SND1: variants seen among roughly 807,000 people sequenced by gnomAD.
SND1 encodes the protein staphylococcal nuclease and tudor domain containing 1.
SND1 carries 38 observed loss-of-function variants against 121.7 expected under a neutral mutation model. The ratio of observed to expected loss-of-function variants is 0.31; its 90% CI spans 0.24 to 0.41. SND1 has a LOEUF of 0.41. Among genes scored for constraint, SND1 ranks in the 10% least tolerant of loss-of-function variants. SND1 has a pLI of 1.00. For synonymous variants in SND1, 401 were observed against 447.4 expected, an observed-to-expected ratio of 0.90 and a Z score of 1.31; for missense variants, 868 against 1,184.6, an observed-to-expected ratio of 0.73 and a Z score of 3.92.
intron 12 of SND1, among the ~76,000 whole-genome samples, chr7:127,869,550 C>CT (rs987173126): frequency 3.9e-5 from 6 of 152,112 alleles, no homozygotes; most frequent in Middle Eastern, 3.4e-3. Context: ...ATCCCATTGA[C>CT]TTTTTTTTAA....
At chr7:128,021,793 T>C (rs1803354215) in intron 16 of SND1, among the ~76,000 whole-genome samples, 1 of 152,208 alleles carries the variant, frequency 6.6e-6, no homozygotes. Flanking sequence ...GAGGGCCTCA[T>C]GCAGGATTTC....
At position 127,701,655 on chromosome 7, in the gene SND1, C is replaced by A. The variant is rs112618969; in HGVS notation, c.589+332C>A. Among the ~76,000 whole-genome samples, 902 of 152,130 alleles carry A rather than the reference C, an allele frequency of 5.9e-3. 10 individuals carry two copies. Among genetic ancestry groups the A allele is most frequent in the African/African-American group, 0.021 (856 of 41,466 alleles). ...AAACTTAAAGGTAGCAAAATGTATT[C>A]TGTATACATCTAAACAGATACGGTC... On this transcript the variant is annotated intron_variant, in intron 5 of 23. Transcript: ENST00000354725.
chr7:127,988,417 C>A (rs1421385701), intron 15 of SND1, among the ~76,000 whole-genome samples: 1 of 152,212 alleles, frequency 6.6e-6, no homozygotes, highest in Admixed American at 6.5e-5. Context: ...AGTGGACTAG[C>A]AACGTAACAA....
intron 9 of SND1, among the ~76,000 whole-genome samples, chr7:127,716,396 G>C (rs1161831905): frequency 6.6e-6 from 1 of 151,090 alleles, no homozygotes; most frequent in East Asian, 1.9e-4. Flanking sequence ...GTGTTTTGTA[G>C]TTTTCTTTGT....
intron 1 of SND1, 73 bp from the exon 2 acceptor site, chr7:127,686,540 C>A: frequency 1.3e-6 from 2 of 1,485,200 alleles, no homozygotes; most frequent in Non-Finnish European, 1.8e-6. Flanking sequence ...GTTGGGGATA[C>A]GGTGGTACAC....
chr7:127,815,315 C>A (rs1273324276), intron 11 of SND1, among the ~76,000 whole-genome samples: 1 of 150,616 alleles, frequency 6.6e-6, no homozygotes, highest in Non-Finnish European at 1.5e-5. Flanking sequence ...AATTCATTGA[C>A]CAGTATCCTA....
At chr7:128,033,097 C>T (rs1792679996) in intron 16 of SND1, among the ~76,000 whole-genome samples, 2 of 152,152 alleles carry the variant, frequency 1.3e-5, no homozygotes, top group African/African-American at 2.4e-5. Flanking sequence ...GGCTGAGCCC[C>T]CTGCCCTGTG....
intron 10 of SND1, among the ~76,000 whole-genome samples, chr7:127,778,178 C>CTTATTTATTTATTTATTTAT (rs143038031): frequency 0.017 from 2,491 of 146,856 alleles, 73 homozygotes; most frequent in African/African-American, 0.054. Context: ...TTATTTGTGT[C>CTTATTTATTTATTTATTTAT]TTATTTATTT....
At chr7:127,986,412 G>A (rs568692825) in intron 15 of SND1, among the ~76,000 whole-genome samples, 1 of 152,320 alleles carries the variant, frequency 6.6e-6, no homozygotes, top group African/African-American at 2.4e-5. Flanking sequence ...AAGATTTTGT[G>A]TCCAGAGAAG....
intron 23 of SND1, 52 bp from the exon 24 acceptor site, chr7:128,091,941 G>T: frequency 6.2e-7 from 1 of 1,613,952 alleles, no homozygotes; most frequent in East Asian, 2.2e-5. Flanking sequence ...GGCCCTCTGA[G>T]TTCCGGTGGG....
chr7:127,835,588 A>G (rs551337049), intron 11 of SND1, among the ~76,000 whole-genome samples: 5 of 152,286 alleles, frequency 3.3e-5, no homozygotes, highest in South Asian at 4.1e-4. Context: ...CTCCTTAGGG[A>G]CAAGCAGGTT....
chr7:127,825,184 C>T (rs1044801500), intron 11 of SND1, among the ~76,000 whole-genome samples: 1 of 152,144 alleles, frequency 6.6e-6, no homozygotes, highest in African/African-American at 2.4e-5. Flanking sequence ...GATGTGGGCT[C>T]ACTGCAATCT....
At chr7:127,669,358 C>G (rs1795475068) in intron 1 of SND1, among the ~76,000 whole-genome samples, 1 of 152,182 alleles carries the variant, frequency 6.6e-6, no homozygotes, top group Non-Finnish European at 1.5e-5. Flanking sequence ...TTACCTAACT[C>G]ATTTCTAACC....
At position 128,079,000 on chromosome 7, in the gene SND1, C is replaced by T. The variant is rs142594947; in HGVS notation, c.1969-2360C>T. 9.0e-4 allele frequency among the ~76,000 whole-genome samples: 137 copies of T among 152,370 alleles called. 1 individual carries two copies. Among genetic ancestry groups the T allele is most frequent in the Middle Eastern group, 3.4e-3 (1 of 294 alleles). ...GTGCCTGCTGGTAGGAATGAGGGAG[C>T]AGACTCCTGGGTCAGGAGGGCTCCA... is the stretch of plus-strand genomic sequence containing the variant. On this transcript the variant is annotated intron_variant, in intron 17 of 23. Transcript: ENST00000354725.
intron 12 of SND1, among the ~76,000 whole-genome samples, chr7:127,882,871 A>G (rs555946924): frequency 9.2e-4 from 140 of 152,272 alleles, no homozygotes; most frequent in Admixed American, 1.5e-3. Context: ...TTCTACTCCA[A>G]TTACACATGT....
At chr7:127,954,637 C>A (rs1448293427) in intron 15 of SND1, among the ~76,000 whole-genome samples, 2 of 152,094 alleles carry the variant, frequency 1.3e-5, no homozygotes, top group East Asian at 1.9e-4. Context: ...ATATTTCTTA[C>A]AGATTAATTG....
Position 128,050,977 on chromosome 7 carries a change from C to T in SND1, c.1780-23525C>T, listed in dbSNP as rs116825596. On this transcript the variant is annotated intron_variant, in intron 16 of 23. Transcript: ENST00000354725. ...ACTCCACCAAATCCACCGCTGGGCC[C>T]ATGCGAGTGGCAGTAGCTTCACTTG... 5.1e-3 allele frequency among the ~76,000 whole-genome samples: 770 copies of T among 152,330 alleles called. 5 individuals are homozygous for T. The highest frequency in any genetic ancestry group is 0.018 in the African/African-American group (741 of 41,576).
At chr7:127,747,781 T>C (rs953229184) in intron 10 of SND1, among the ~76,000 whole-genome samples, 1 of 152,232 alleles carries the variant, frequency 6.6e-6, no homozygotes, top group African/African-American at 2.4e-5. Context: ...CTTTTGCCTT[T>C]CCATTGTCAA....
chr7:127,819,137 G>C (rs1451027490), intron 11 of SND1, among the ~76,000 whole-genome samples: 1 of 152,190 alleles, frequency 6.6e-6, no homozygotes, highest in East Asian at 1.9e-4. Context: ...GAGTAAATTT[G>C]AGCAGGGCAA....
Sources: allele counts gnomAD v4.1 joint callset (sites outside exome capture counted in the v4.1 genomes callset), GRCh38; gene constraint gnomAD v4.1.1; transcripts MANE v1.5; gene names NCBI Gene and HGNC (gene_info 2026-07-23, HGNC 2026-07-21).